ADAMTS19: variants seen among roughly 807,000 people sequenced by gnomAD.
ADAMTS19 encodes the protein A disintegrin and metalloproteinase with thrombospondin motifs 19.
A neutral mutation model predicts 153.3 loss-of-function variants in ADAMTS19; 93 were observed. The observed-to-expected ratio is 0.61, with a 90% CI of 0.51 to 0.72. The LOEUF (loss-of-function observed/expected upper bound fraction) is 0.72. ADAMTS19 is among the 30% of genes least tolerant of loss of function. The pLI is 0.00. For synonymous variants in ADAMTS19, 600 were observed against 556.6 expected (o/e 1.08, Z -1.10); for missense variants, 1,482 against 1,552.1 (o/e 0.95, Z 0.76).
At chr5:129,722,469 A>G (rs549415639) in intron 21 of ADAMTS19, among the ~76,000 whole-genome samples, 1 of 151,980 alleles carries the variant, frequency 6.6e-6, no homozygotes, top group East Asian at 1.9e-4. Context: ...AAATTTGTTT[A>G]AATTCCTTGT....
At chr5:129,624,299 G>A (rs561906540) in intron 10 of ADAMTS19, among the ~76,000 whole-genome samples, 2 of 152,088 alleles carry the variant, frequency 1.3e-5, no homozygotes, top group African/African-American at 4.8e-5. Flanking sequence ...TGTAAGGTCT[G>A]TCTCCGGTAC....
intron 7 of ADAMTS19, among the ~76,000 whole-genome samples, chr5:129,577,665 T>A (rs886352538): frequency 1.3e-5 from 2 of 152,126 alleles, no homozygotes; most frequent in African/African-American, 4.8e-5. Flanking sequence ...ATTTGAGAAA[T>A]GACCAAGAGA....
chr5:129,655,312 G>T (rs1017423395), intron 14 of ADAMTS19, among the ~76,000 whole-genome samples: 4 of 152,106 alleles, frequency 2.6e-5, no homozygotes, highest in African/African-American at 7.2e-5. Context: ...ATCTACTATT[G>T]TTTGGATACA....
chr5:129,463,096 G>A (rs558259187), intron 2 of ADAMTS19, among the ~76,000 whole-genome samples: 1 of 152,188 alleles, frequency 6.6e-6, no homozygotes, highest in Non-Finnish European at 1.5e-5. Context: ...TTATTAAAAG[G>A]TTTTATGTGG....
At chr5:129,722,207 C>G (rs1315762012) in intron 21 of ADAMTS19, among the ~76,000 whole-genome samples, 1 of 152,212 alleles carries the variant, frequency 6.6e-6, no homozygotes, top group Admixed American at 6.5e-5. Flanking sequence ...AACTAATTTA[C>G]ATTCCCACCA....
chr5:129,498,356 A>G (rs1581009395), intron 2 of ADAMTS19, among the ~76,000 whole-genome samples: 1 of 152,068 alleles, frequency 6.6e-6, no homozygotes, highest in Non-Finnish European at 1.5e-5. Flanking sequence ...CTTCTGCCCT[A>G]CAGGAGCAAT....
At chr5:129,608,094 G>A (rs1751001323) in intron 8 of ADAMTS19, among the ~76,000 whole-genome samples, 1 of 49,286 alleles carries the variant, frequency 2.0e-5, no homozygotes, top group African/African-American at 6.2e-5. Context: ...ATATATATGT[G>A]TGTGTGTGTG....
chr5:129,522,551 C>G (rs1179805932), intron 3 of ADAMTS19, among the ~76,000 whole-genome samples: 2 of 151,310 alleles, frequency 1.3e-5, no homozygotes, highest in East Asian at 3.9e-4. Context: ...ACTTTGTTAA[C>G]TGATTATACA....
chr5:129,702,941 A>AAAAAAAAAAAAAAAAATAT, intron 20 of ADAMTS19, among the ~76,000 whole-genome samples: 1 of 29,308 alleles, frequency 3.4e-5, no homozygotes, highest in African/African-American at 8.5e-5. Context: ...AAAAAAAAAA[A>AAAAAAAAAAAAAAAAATAT]ATATATATAT....
chr5:129,475,745 A>G (rs763732081), intron 2 of ADAMTS19, among the ~76,000 whole-genome samples: 2 of 152,232 alleles, frequency 1.3e-5, no homozygotes, highest in Non-Finnish European at 2.9e-5. Context: ...AGGCATGAGA[A>G]TTGCTTGAAG....
chr5:129,637,547 A>G (rs1752585145), intron 10 of ADAMTS19, among the ~76,000 whole-genome samples: 1 of 152,134 alleles, frequency 6.6e-6, no homozygotes, highest in Non-Finnish European at 1.5e-5. Flanking sequence ...TAACACGGGA[A>G]CAAAAAACCA....
intron 3 of ADAMTS19, among the ~76,000 whole-genome samples, chr5:129,525,770 T>C (rs1751984979): frequency 6.6e-6 from 1 of 152,012 alleles, no homozygotes; most frequent in Non-Finnish European, 1.5e-5. Context: ...TGTAAGATCC[T>C]GATGGAAAGT....
intron 7 of ADAMTS19, among the ~76,000 whole-genome samples, chr5:129,553,747 A>T (rs768618764): frequency 2.0e-5 from 3 of 152,126 alleles, no homozygotes; most frequent in Admixed American, 6.6e-5. Context: ...CAGTCTTGAC[A>T]GAGTAAAAAT....
At chr5:129,466,369 C>T (rs1256593375) in intron 2 of ADAMTS19, among the ~76,000 whole-genome samples, 1 of 151,586 alleles carries the variant, frequency 6.6e-6, no homozygotes, top group Non-Finnish European at 1.5e-5. Flanking sequence ...TTAATTAATA[C>T]AAGAAGCAAA....
chr5:129,609,086 C>T (rs1032112136), intron 8 of ADAMTS19, among the ~76,000 whole-genome samples: 4 of 151,798 alleles, frequency 2.6e-5, no homozygotes, highest in African/African-American at 4.8e-5. Flanking sequence ...ATATACTGTC[C>T]CCATTGTACT....
intron 6 of ADAMTS19, among the ~76,000 whole-genome samples, chr5:129,535,984 T>C (rs1391364373): frequency 2.0e-5 from 3 of 152,130 alleles, no homozygotes; most frequent in Admixed American, 6.6e-5. Context: ...GGCAATACCA[T>C]TCAGGACACA....
At chr5:129,570,523 T>A (rs1388633545) in intron 7 of ADAMTS19, among the ~76,000 whole-genome samples, 1 of 151,640 alleles carries the variant, frequency 6.6e-6, no homozygotes, top group East Asian at 1.9e-4. Context: ...ATTGGTTAAT[T>A]AAAGAAGAAA....
chr5:129,609,446 A>C (rs957875097), intron 8 of ADAMTS19, among the ~76,000 whole-genome samples: 10 of 152,132 alleles, frequency 6.6e-5, no homozygotes, highest in Admixed American at 5.9e-4. Context: ...TGAATACCTT[A>C]ATGTGAAAAG....
In ADAMTS19 at chr5:129,581,540, TA is replaced by T. The variant is rs534794553; in HGVS notation, c.1373-15008del. Reference sequence around the variant, plus strand: ...TGGTCTATATATTTTGATAATCTTTTAAAAAAAAAAAGCTCCTGGATTCATT... The same window carrying T: ...TGGTCTATATATTTTGATAATCTTTTAAAAAAAAAAGCTCCTGGATTCATT... On this transcript the variant is annotated intron_variant, in intron 7 of 22. Transcript: ENST00000274487. Among the ~76,000 whole-genome samples the T allele has an allele frequency of 1.9e-3, 276 of 146,754 alleles. 1 individual carries two copies. Among genetic ancestry groups the T allele is most frequent in the Middle Eastern group, 3.5e-3 (1 of 282 alleles).
Sources: allele counts gnomAD v4.1 joint callset (sites outside exome capture counted in the v4.1 genomes callset), GRCh38; gene constraint gnomAD v4.1.1; transcripts MANE v1.5; gene names NCBI Gene and HGNC (gene_info 2026-07-23, HGNC 2026-07-21).